Variants in CGNL1 observed in about 807,000 individuals in gnomAD.
The protein encoded by CGNL1 is cingulin like 1.
In CGNL1, 132 loss-of-function variants were observed where a neutral mutation model predicts 141.2. That is an observed-to-expected ratio of 0.93 (90% confidence interval 0.81 to 1.08). The LOEUF (loss-of-function observed/expected upper bound fraction) is 1.08, where lower values mean the gene tolerates loss of function less well. Ranked by LOEUF, CGNL1 falls within the 50% of genes least tolerant of loss-of-function variation. CGNL1 has a pLI of 0.00. For missense variants in CGNL1, 1,870 were observed against 1,588.6 expected (o/e 1.18, Z -3.01); for synonymous variants, 690 against 622.1 (o/e 1.11, Z -1.63).
intron 1 of CGNL1, among the ~76,000 whole-genome samples, chr15:57,413,173 C>G (rs2062809665): frequency 6.6e-6 from 1 of 151,110 alleles, no homozygotes; most frequent in Non-Finnish European, 1.5e-5. Flanking sequence ...CTCCTTCTTT[C>G]TTTCTTTCTT....
intron 7 of CGNL1, among the ~76,000 whole-genome samples, chr15:57,455,588 G>A (rs1182766986): frequency 1.3e-5 from 2 of 152,074 alleles, no homozygotes; most frequent in African/African-American, 4.8e-5. Flanking sequence ...AATCACTTTT[G>A]CTTCTTTCCG....
At chr15:57,502,902 G>A (rs1034790347) in intron 8 of CGNL1, among the ~76,000 whole-genome samples, 2 of 152,176 alleles carry the variant, frequency 1.3e-5, no homozygotes, top group African/African-American at 2.4e-5. Flanking sequence ...CGACCCAGGG[G>A]CTGCCCTGGG....
intron 1 of CGNL1, among the ~76,000 whole-genome samples, chr15:57,400,718 A>G (rs1308046158): frequency 6.6e-6 from 1 of 151,896 alleles, no homozygotes; most frequent in East Asian, 1.9e-4. Flanking sequence ...CCCTGTCTCT[A>G]CTAAAAATAC....
chr15:57,421,586 A>G (rs760339079), intron 1 of CGNL1, among the ~76,000 whole-genome samples: 3 of 152,188 alleles, frequency 2.0e-5, no homozygotes, highest in Admixed American at 6.5e-5. Flanking sequence ...CAGTGGAAAC[A>G]GTATAATCAC....
At position 57,439,379 on chromosome 15, in the gene CGNL1, G is replaced by A. The variant is rs1329367771; in HGVS notation, c.1380G>A (p.Arg460=). 6.2e-7 allele frequency: 1 copy of A among 1,614,178 alleles called. No individual in the cohort carries two copies. Among genetic ancestry groups the A allele is most frequent in the South Asian group, 1.1e-5 (1 of 91,084 alleles). Residue 460 remains arginine, a synonymous_variant, in exon 2 of 19, where the codon AGG becomes AGA. Transcript: ENST00000281282. The part of the protein sequence containing the change: ...AAHGASCAHS[R]PPQPNIDGKV... The stretch of plus-strand genomic sequence containing the variant: ...ACGGGGCTTCATGTGCCCACTCCAG[G>A]CCTCCCCAGCCGAACATAGATGGGA...
intron 1 of CGNL1, among the ~76,000 whole-genome samples, chr15:57,405,368 T>C: frequency 6.6e-6 from 1 of 152,232 alleles, no homozygotes; most frequent in East Asian, 1.9e-4. Flanking sequence ...CTCCCATCAC[T>C]CTGGCATTGA....
intron 8 of CGNL1, among the ~76,000 whole-genome samples, chr15:57,507,383 TAATTACAGGCCACTCTGAGAGTG>T (rs2064117201): frequency 6.6e-6 from 1 of 152,226 alleles, no homozygotes; most frequent in South Asian, 2.1e-4. Context: ...ACCTATATTT[TAATTACAGGCCACTCTGAGAGTG>T]AATCTTAACT....
At chr15:57,493,288 G>A (rs2063891664) in intron 8 of CGNL1, among the ~76,000 whole-genome samples, 1 of 152,162 alleles carries the variant, frequency 6.6e-6, no homozygotes, top group African/African-American at 2.4e-5. Flanking sequence ...TACTCCACTT[G>A]TGCTCTCTTC....
At chr15:57,507,871 G>A (rs2064124813) in intron 8 of CGNL1, among the ~76,000 whole-genome samples, 1 of 152,212 alleles carries the variant, frequency 6.6e-6, no homozygotes, top group African/African-American at 2.4e-5. Flanking sequence ...ATCCCAGACT[G>A]TTAGAGCTGG....
At chr15:57,488,054 C>T (rs1266912496) in intron 8 of CGNL1, among the ~76,000 whole-genome samples, 1 of 152,208 alleles carries the variant, frequency 6.6e-6, no homozygotes, top group African/African-American at 2.4e-5. Flanking sequence ...CACATCCTCT[C>T]CCACACTTGT....
chr15:57,386,696 G>A (rs748533883), intron 1 of CGNL1, among the ~76,000 whole-genome samples: 3 of 152,160 alleles, frequency 2.0e-5, no homozygotes, highest in Admixed American at 6.5e-5. Context: ...TGAGGATAAC[G>A]ACAGTGACGA....
intron 7 of CGNL1, among the ~76,000 whole-genome samples, chr15:57,458,591 C>G (rs1174763514): frequency 6.6e-6 from 1 of 152,106 alleles, no homozygotes; most frequent in South Asian, 2.1e-4. Context: ...TCTTATCATC[C>G]AAACAATTGA....
intron 10 of CGNL1, among the ~76,000 whole-genome samples, chr15:57,520,804 C>T (rs1454695024): frequency 6.6e-6 from 1 of 152,154 alleles, no homozygotes; most frequent in South Asian, 2.1e-4. Context: ...TGTTGCAGCC[C>T]ACAGACACTG....
chr15:57,421,091 A>G (rs1292393042), intron 1 of CGNL1, among the ~76,000 whole-genome samples: 1 of 152,132 alleles, frequency 6.6e-6, no homozygotes, highest in Non-Finnish European at 1.5e-5. Context: ...TTGGCTTTAT[A>G]AGAAGAGGAA....
At chr15:57,487,975 C>T (rs912410662) in intron 8 of CGNL1, among the ~76,000 whole-genome samples, 1 of 152,126 alleles carries the variant, frequency 6.6e-6, no homozygotes, top group Non-Finnish European at 1.5e-5. Flanking sequence ...GAGGAATTCC[C>T]AAAATGTTTT....
intron 8 of CGNL1, among the ~76,000 whole-genome samples, chr15:57,470,254 C>A (rs1281121291): frequency 2.9e-5 from 1 of 34,544 alleles, no homozygotes; most frequent in Admixed American, 3.1e-4. Context: ...TTTTTTGTCT[C>A]TCTTTTTTTT....
chr15:57,534,767 C>T (rs2032158934), intron 14 of CGNL1, among the ~76,000 whole-genome samples: 1 of 152,238 alleles, frequency 6.6e-6, no homozygotes, highest in Admixed American at 6.5e-5. Flanking sequence ...TTATCTTGAA[C>T]CCAAGTAATA....
At chr15:57,508,437 C>T (rs2029914163) in intron 8 of CGNL1, among the ~76,000 whole-genome samples, 1 of 152,222 alleles carries the variant, frequency 6.6e-6, no homozygotes, top group South Asian at 2.1e-4. Context: ...GAACCCATCA[C>T]TTTACATTAC....
At chr15:57,467,855 G>T (rs1721696568) in intron 8 of CGNL1, among the ~76,000 whole-genome samples, 1 of 151,666 alleles carries the variant, frequency 6.6e-6, no homozygotes, top group Non-Finnish European at 1.5e-5. Flanking sequence ...ACACCCCGCT[G>T]ATTTTTACGT....
Sources: gnomAD v4.1 joint callset for allele counts (sites outside exome capture counted in the v4.1 genomes callset) on GRCh38, gnomAD v4.1.1 for gene constraint, MANE v1.5 for transcripts, NCBI Gene and HGNC (gene_info 2026-07-23, HGNC 2026-07-21) for gene names.